The following MTPAP variants were observed in gnomAD, a reference collection of about 807,000 sequenced individuals.
The protein encoded by MTPAP is mitochondrial poly(A) polymerase, also known as poly(A) RNA polymerase, mitochondrial.
A neutral mutation model predicts 48.7 loss-of-function variants in MTPAP; 23 were observed. That is an observed-to-expected ratio of 0.47 (90% CI 0.34 to 0.67). MTPAP has a LOEUF of 0.67. Ranked by LOEUF, MTPAP falls within the 30% of genes least tolerant of loss-of-function variation. The probability of loss-of-function intolerance (pLI) is 0.01; values close to 1 mark genes in which losing one functional copy is unlikely to be tolerated. For missense variants in MTPAP, 614 were observed against 694.3 expected, an observed-to-expected ratio of 0.88 and a Z score of 1.30; for synonymous variants, 257 against 254.1, an observed-to-expected ratio of 1.01 and a Z score of -0.11.
At chr10:30,342,980 T>C (rs1834829279) in intron 1 of MTPAP, among the ~76,000 whole-genome samples, 1 of 152,176 alleles carries the variant, frequency 6.6e-6, no homozygotes, top group African/African-American at 2.4e-5. Context: ...GAACTAAGTA[T>C]AGAGAGAAAA....
Position 30,340,360 on chromosome 10 carries a change from C to T in MTPAP, c.421G>A (p.Ala141Thr), listed in dbSNP as rs768773303. The T allele has an allele frequency of 1.5e-5, 24 of 1,614,148 alleles. No individual in the cohort carries two copies. The South Asian group carries it at 1.9e-4, about 13-fold the overall frequency. ...AAGAAACGTGATCTGAATGGAATTG[C>T]AGTCTCCATGGCCGTGCTTGGAGTA... is the stretch of plus-strand genomic sequence containing the variant. ...THTPSTAMET[A>T]IPFRSRFFNL... Residue 141 changes from alanine to threonine, a missense_variant, in exon 3 of 9, where the codon GCA (alanine) becomes ACA (threonine). Physicochemically the swap from Ala to Thr is moderately conservative, Grantham distance 58. Around this residue, in one of 5 missense-constraint regions of MTPAP, gnomAD observed 114 missense variants for 107.9 expected, o/e 1.06. Transcript: ENST00000263063.
intron 5 of MTPAP, among the ~76,000 whole-genome samples, chr10:30,324,496 G>A (rs1208592915): frequency 1.3e-5 from 2 of 152,048 alleles, no homozygotes; most frequent in African/African-American, 4.8e-5. Flanking sequence ...CGAGGCTACA[G>A]TGAGCTATGA....
In MTPAP at chr10:30,347,050, A is replaced by G. The variant is rs146573639; in HGVS notation, c.157+2069T>C. ...GTCTCTTTCTGGAGTTTGGTTACAC[A>G]GATTGGTATAGTCTCCCTTTTCTAC... On this transcript the variant is annotated intron_variant, in intron 1 of 8. Transcript: ENST00000263063. Among the ~76,000 whole-genome samples, 571 of 152,342 alleles carry G rather than the reference A, an allele frequency of 3.7e-3. 2 individuals carry two copies. Among genetic ancestry groups the G allele is most frequent in the Non-Finnish European group, 6.8e-3 (464 of 68,030 alleles).
chr10:30,318,063 T>C (rs1478789266), intron 6 of MTPAP, among the ~76,000 whole-genome samples: 1 of 152,204 alleles, frequency 6.6e-6, no homozygotes, highest in Non-Finnish European at 1.5e-5. Context: ...TTCACTATAT[T>C]GGCCAGGCTG....
At chr10:30,314,450 A>G (rs2132842192) in intron 8 of MTPAP, among the ~76,000 whole-genome samples, 1 of 152,292 alleles carries the variant, frequency 6.6e-6, no homozygotes, top group African/African-American at 2.4e-5. Context: ...TAAATTAAAT[A>G]TATTAATTAA....
chr10:30,322,934 C>G (rs912079498), intron 5 of MTPAP, among the ~76,000 whole-genome samples: 1 of 150,004 alleles, frequency 6.7e-6, no homozygotes, highest in African/African-American at 2.5e-5. Flanking sequence ...GCCAGGAGTT[C>G]AAGGACAACG....
At position 30,313,562 on chromosome 10, in the gene MTPAP, G is replaced by C. The variant is rs554862786; in HGVS notation, c.*47C>G. On this transcript the variant is annotated 3_prime_UTR_variant, in exon 9 of 9. Transcript: ENST00000263063. The stretch of plus-strand genomic sequence containing the variant: ...ATCAGTTTTTCCAAGTAAGTCCACA[G>C]ACCATTTGATAGGCTAAGCCCAGTT... The C allele has an allele frequency of 7.4e-6, 12 of 1,611,912 alleles. No homozygotes were observed. The highest frequency in any genetic ancestry group is 8.5e-6 in the Non-Finnish European group (10 of 1,178,644).
rs951945985 is a variant in MTPAP, at chr10:30,313,475, G to A, written c.*134C>T. On this transcript the variant is annotated 3_prime_UTR_variant, in exon 9 of 9. Coordinates refer to ENST00000263063, the MANE Select transcript of MTPAP (RefSeq NM_018109.4). ...CCAGAACTTCAGACCAGGTTAAGGG[G>A]GCCAATGAGAAGATCATGAAAAGTG... The A allele has an allele frequency of 6.4e-6, 8 of 1,244,862 alleles. No homozygotes were observed. The highest frequency in any genetic ancestry group is 5.2e-5 in the Admixed American group (3 of 57,808). The allele number at this position is 1,244,862 out of a possible 1,614,324, so 77.1% of individuals were successfully genotyped here.
At position 30,336,592 on chromosome 10, in the gene MTPAP, T is replaced by C. The variant is rs913644; in HGVS notation, c.780+211A>G. 0.12 allele frequency among the ~76,000 whole-genome samples: 17,996 copies of C among 152,224 alleles called. 1,953 individuals carry two copies. Among genetic ancestry groups the C allele is most frequent in the East Asian group, 0.52 (2,702 of 5,174 alleles). On this transcript the variant is annotated intron_variant, in intron 4 of 8. Coordinates refer to ENST00000263063, the MANE Select transcript of MTPAP (RefSeq NM_018109.4). ...GAAAACAATTAACTATTTGATTGCA[T>C]ATCTACAGAATATTCACAAAAATGA... is the stretch of plus-strand genomic sequence containing the variant.
chr10:30,314,083 C>A, intron 8 of MTPAP, 112 bp from the exon 9 acceptor site: 1 of 1,213,106 alleles, frequency 8.2e-7, no homozygotes. Context: ...ATTAACTTTA[C>A]ATAGCAAAGA....
chr10:30,336,900 C>G lies in MTPAP; in HGVS notation c.683G>C (p.Arg228Thr). 1.2e-6 allele frequency: 2 copies of G among 1,613,230 alleles called. No individual in the cohort carries two copies. The highest frequency in any genetic ancestry group is 1.7e-6 in the Non-Finnish European group (2 of 1,180,012). Reference sequence around the variant, plus strand: ...AGTGTTGACTGAGGAGCCAAAGGGTCTGACTATGCAGTCTGGAAAATACGC... The same window carrying G: ...AGTGTTGACTGAGGAGCCAAAGGGTGTGACTATGCAGTCTGGAAAATACGC... ...AAAYFPDCIV[R>T]PFGSSVNTFG... The change falls in exon 4 of 9, where the codon AGA (arginine) becomes ACA (threonine). Residue 228 changes from arginine (R) to threonine (T), a missense_variant. This residue lies in a region of MTPAP where 261 missense variants were observed against 355.4 expected (regional missense o/e 0.73). Transcript: ENST00000263063.
intron 4 of MTPAP, among the ~76,000 whole-genome samples, chr10:30,332,822 GA>G (rs1199854341): frequency 6.6e-6 from 1 of 151,100 alleles, no homozygotes. Flanking sequence ...GAGTCAATAA[GA>G]AAACAAAAAT....
At chr10:30,318,644 G>T (rs533938684) in intron 6 of MTPAP, among the ~76,000 whole-genome samples, 2 of 152,238 alleles carry the variant, frequency 1.3e-5, no homozygotes, top group Admixed American at 6.5e-5. Flanking sequence ...GAGATTATAA[G>T]AAAACACAAA....
At chr10:30,341,961 G>A (rs1477173135) in intron 1 of MTPAP, among the ~76,000 whole-genome samples, 5 of 152,256 alleles carry the variant, frequency 3.3e-5, no homozygotes, top group South Asian at 2.1e-4. Context: ...ACAACGGGCC[G>A]GGCTTGGTGG....
chr10:30,337,015 G>C lies in MTPAP; in HGVS notation c.568C>G (p.Leu190Val). ...LCYAESIDDQ[L>V]NTLLKEFQLT... ...TGGAACTCCTTCAAGAGAGTGTTCAGCTGATCGTCTATCTAGCTAGCCGAA... is the reference window on the plus strand; with the variant it reads ...TGGAACTCCTTCAAGAGAGTGTTCACCTGATCGTCTATCTAGCTAGCCGAA... The change falls in exon 4 of 9, where the codon CTG (leucine) becomes GTG (valine). Residue 190 changes from leucine to valine, a missense_variant. By Grantham distance (32) the Leu-to-Val change is conservative (BLOSUM62 1). Transcript: ENST00000263063. 6.2e-7 allele frequency: 1 copy of C among 1,612,926 alleles called. No homozygotes were observed. Among genetic ancestry groups the C allele is most frequent in the Middle Eastern group, 1.9e-4 (1 of 5,336 alleles).
chr10:30,343,106 T>G (rs761636427), intron 1 of MTPAP, among the ~76,000 whole-genome samples: 1 of 152,126 alleles, frequency 6.6e-6, no homozygotes, highest in African/African-American at 2.4e-5. Flanking sequence ...CTTTAAAAAG[T>G]CTGGAATGGT....
intron 4 of MTPAP, among the ~76,000 whole-genome samples, chr10:30,328,363 G>A (rs1366924827): frequency 6.6e-6 from 1 of 152,104 alleles, no homozygotes; most frequent in African/African-American, 2.4e-5. Flanking sequence ...TGTAAACAAG[G>A]GACATACTTC....
intron 4 of MTPAP, among the ~76,000 whole-genome samples, chr10:30,335,776 G>A (rs529335156): frequency 1.1e-3 from 167 of 152,202 alleles, no homozygotes; most frequent in African/African-American, 3.3e-3. Flanking sequence ...TTAGGAGGCC[G>A]AGGGGTGTGG....
At chr10:30,326,702 G>A (rs934741764) in intron 4 of MTPAP, 67 bp from the exon 5 acceptor site, 5 of 1,226,594 alleles carry the variant, frequency 4.1e-6, no homozygotes, top group Non-Finnish European at 6.0e-6. Flanking sequence ...ATAAGCTTTT[G>A]TAAAAGAATG....
Sources: allele counts gnomAD v4.1 joint callset (sites outside exome capture counted in the v4.1 genomes callset), GRCh38; gene constraint gnomAD v4.1.1; regional missense constraint gnomAD v4.1.1; transcripts MANE v1.5; gene names NCBI Gene and HGNC (gene_info 2026-07-23, HGNC 2026-07-21).